The following ATRNL1 variants were observed in gnomAD, a reference collection of about 807,000 sequenced individuals.
ATRNL1 encodes the protein attractin like 1, also known as attractin-like protein 1.
ATRNL1 carries 95 observed loss-of-function variants against 182.7 expected under a neutral mutation model. The ratio of observed to expected loss-of-function variants is 0.52; its 90% confidence interval spans 0.44 to 0.62. The LOEUF is 0.62. ATRNL1 is among the 20% of genes least tolerant of loss of function. ATRNL1 has a pLI of 0.00. For synonymous variants in ATRNL1, 576 were observed against 568.3 expected (o/e 1.01, Z -0.19); for missense variants, 1,471 against 1,679.5 (o/e 0.88, Z 2.17).
At chr10:115,095,733 A>C (rs903475063) in intron 1 of ATRNL1, among the ~76,000 whole-genome samples, 7 of 152,216 alleles carry the variant, frequency 4.6e-5, no homozygotes, top group African/African-American at 1.7e-4. Context: ...AACGTTTGCT[A>C]TGACAGTAGA....
intron 1 of ATRNL1, among the ~76,000 whole-genome samples, chr10:115,116,036 A>C (rs2143578664): frequency 6.6e-6 from 1 of 152,208 alleles, no homozygotes; most frequent in Non-Finnish European, 1.5e-5. Context: ...TGATTGGCAA[A>C]CTTTTTCTGA....
intron 26 of ATRNL1, among the ~76,000 whole-genome samples, chr10:115,725,005 G>A (rs77483767): frequency 0.02 from 3,049 of 152,156 alleles, 95 homozygotes; most frequent in African/African-American, 0.069. Context: ...CTTCTACTAG[G>A]TGACACAGAA....
intron 25 of ATRNL1, among the ~76,000 whole-genome samples, chr10:115,522,220 GA>G (rs1395925717): frequency 2.0e-5 from 3 of 152,154 alleles, no homozygotes; most frequent in Non-Finnish European, 4.4e-5. Flanking sequence ...TTTATAAAAA[GA>G]GGTTTATTTG....
intron 21 of ATRNL1, among the ~76,000 whole-genome samples, chr10:115,456,650 T>A: frequency 6.6e-6 from 1 of 152,192 alleles, no homozygotes; most frequent in East Asian, 1.9e-4. Context: ...AAAATAAATT[T>A]TTGAATAGTA....
At chr10:115,693,724 T>C (rs149343180) in intron 26 of ATRNL1, among the ~76,000 whole-genome samples, 77 of 152,182 alleles carry the variant, frequency 5.1e-4, no homozygotes, top group African/African-American at 1.8e-3. Context: ...TGTAAACAAC[T>C]GTAACACAAT....
chr10:115,809,338 TCAA>T (rs1555086388), intron 27 of ATRNL1, among the ~76,000 whole-genome samples: 1 of 152,012 alleles, frequency 6.6e-6, no homozygotes, highest in African/African-American at 2.4e-5. Context: ...AATTTTAGAA[TCAA>T]CTTTTTCAAT....
chr10:115,221,832 T>C (rs1849479066), intron 9 of ATRNL1, among the ~76,000 whole-genome samples: 1 of 152,122 alleles, frequency 6.6e-6, no homozygotes, highest in Admixed American at 6.5e-5. Flanking sequence ...TAGATTATGG[T>C]GAAATGCCCA....
chr10:115,686,900 A>C (rs577373106), intron 26 of ATRNL1, among the ~76,000 whole-genome samples: 9 of 152,018 alleles, frequency 5.9e-5, no homozygotes, highest in Admixed American at 4.6e-4. Context: ...TATTCAAAAA[A>C]CTCTGCATAT....
At chr10:115,326,175 C>T (rs893075721) in intron 18 of ATRNL1, among the ~76,000 whole-genome samples, 3 of 152,056 alleles carry the variant, frequency 2.0e-5, no homozygotes, top group Non-Finnish European at 4.4e-5. Context: ...GATTGTATAT[C>T]GAGAAAACCC....
intron 27 of ATRNL1, among the ~76,000 whole-genome samples, chr10:115,731,972 A>G (rs894152912): frequency 6.6e-6 from 1 of 152,170 alleles, no homozygotes; most frequent in African/African-American, 2.4e-5. Flanking sequence ...TAAAGTTGAT[A>G]CGTGTTGTAG....
At chr10:115,324,400 T>A (rs1227078256) in intron 18 of ATRNL1, among the ~76,000 whole-genome samples, 1 of 152,230 alleles carries the variant, frequency 6.6e-6, no homozygotes, top group Non-Finnish European at 1.5e-5. Flanking sequence ...TAGTCCTTTA[T>A]GTAAAAAAAG....
chr10:115,335,463 G>T (rs1855436939), intron 19 of ATRNL1, among the ~76,000 whole-genome samples: 1 of 152,180 alleles, frequency 6.6e-6, no homozygotes, highest in African/African-American at 2.4e-5. Flanking sequence ...GGTTGTGGTT[G>T]TAGGGTGATT....
chr10:115,790,269 A>AC (rs879992174), intron 27 of ATRNL1, among the ~76,000 whole-genome samples: 1 of 151,586 alleles, frequency 6.6e-6, no homozygotes, highest in Non-Finnish European at 1.5e-5. Flanking sequence ...AAAAAAAAAA[A>AC]AACTCTTATT....
intron 26 of ATRNL1, among the ~76,000 whole-genome samples, chr10:115,714,706 T>C (rs1947195149): frequency 6.6e-6 from 1 of 152,056 alleles, no homozygotes; most frequent in African/African-American, 2.4e-5. Context: ...AGAGAAAGGG[T>C]AATGAAGCAT....
At chr10:115,359,225 T>A (rs1280628316) in intron 19 of ATRNL1, among the ~76,000 whole-genome samples, 1 of 151,688 alleles carries the variant, frequency 6.6e-6, no homozygotes, top group Non-Finnish European at 1.5e-5. Context: ...ATGAGAGAAT[T>A]TTTGTCTCAT....
At chr10:115,831,786 G>C (rs782100512) in intron 27 of ATRNL1, among the ~76,000 whole-genome samples, 7 of 150,234 alleles carry the variant, frequency 4.7e-5, no homozygotes, top group Non-Finnish European at 8.9e-5. Flanking sequence ...TTTCAAGTGA[G>C]ATTTTTAAAA....
At chr10:115,260,753 T>G (rs951992697) in intron 10 of ATRNL1, among the ~76,000 whole-genome samples, 1 of 151,928 alleles carries the variant, frequency 6.6e-6, no homozygotes, top group Non-Finnish European at 1.5e-5. Flanking sequence ...AAATGAGCTC[T>G]TGGAAATTAA....
intron 19 of ATRNL1, among the ~76,000 whole-genome samples, chr10:115,391,835 A>G (rs1844038788): frequency 6.6e-6 from 1 of 151,448 alleles, no homozygotes; most frequent in African/African-American, 2.4e-5. Context: ...GTAGAGTTTT[A>G]TTTGTTTATT....
chr10:115,431,205 G>A (rs1332224809), intron 21 of ATRNL1, among the ~76,000 whole-genome samples: 3 of 151,996 alleles, frequency 2.0e-5, no homozygotes, highest in East Asian at 1.9e-4. Context: ...TAGGGAGTTC[G>A]AGACCAGCCT....
Sources: allele counts gnomAD v4.1 joint callset (sites outside exome capture counted in the v4.1 genomes callset), GRCh38; gene constraint gnomAD v4.1.1; transcripts MANE v1.5; gene names NCBI Gene and HGNC (gene_info 2026-07-23, HGNC 2026-07-21).